The following ZFHX3 variants were observed in gnomAD, a reference collection of about 807,000 sequenced individuals.
ZFHX3 encodes zinc finger homeobox 3, also known as zinc finger homeobox protein 3.
ZFHX3 carries 42 observed loss-of-function variants against 279.1 expected under a neutral mutation model. That is an observed-to-expected ratio of 0.15 (90% CI 0.12 to 0.19). The LOEUF is 0.19. ZFHX3 is among the 10% of genes least tolerant of loss of function. The pLI, the probability that ZFHX3 is intolerant of heterozygous loss-of-function variation, is 1.00. For missense variants in ZFHX3, 4,981 were observed against 4,754.0 expected (o/e 1.05, Z -1.40); for synonymous variants, 2,293 against 1,957.8 (o/e 1.17, Z -4.52).
At chr16:73,767,880 G>C (rs955337543) in intron 1 of ZFHX3, among the ~76,000 whole-genome samples, 3 of 152,142 alleles carry the variant, frequency 2.0e-5, no homozygotes, top group Non-Finnish European at 2.9e-5. Flanking sequence ...AAAATGATTT[G>C]AGATTGCAAC....
In ZFHX3 at chr16:73,392,861, G is replaced by T. The variant is rs113820430; in HGVS notation, c.-1291+63142C>A. 9.2e-3 allele frequency among the ~76,000 whole-genome samples: 1,404 copies of T among 152,066 alleles called. 20 individuals carry two copies. Among genetic ancestry groups the T allele is most frequent in the African/African-American group, 0.032 (1,325 of 41,490 alleles). Reference sequence around the variant, plus strand: ...TTTTGTTTTTTTGTTTTTTGAGACAGTCTCACTCTGTTGCCCAGGCTGGAG... The same window carrying T: ...TTTTGTTTTTTTGTTTTTTGAGACATTCTCACTCTGTTGCCCAGGCTGGAG... On this transcript the variant is annotated intron_variant, in intron 3 of 17. Transcript: ENST00000641206.
chr16:73,190,892 C>A (rs973701314), intron 5 of ZFHX3, among the ~76,000 whole-genome samples: 10 of 142,178 alleles, frequency 7.0e-5, no homozygotes, highest in African/African-American at 2.7e-4. Flanking sequence ...AGGATAGAGA[C>A]CAGGGTGAAG....
chr16:73,342,354 A>G (rs960492902), intron 3 of ZFHX3, among the ~76,000 whole-genome samples: 4 of 152,214 alleles, frequency 2.6e-5, no homozygotes, highest in African/African-American at 9.6e-5. Flanking sequence ...CTGTCCAACA[A>G]TATAATACAT....
Position 72,811,700 on chromosome 16 carries a change from C to A in ZFHX3, c.3741G>T (p.Ser1247=), listed in dbSNP as rs1218471435. ...RLRVHAMTQH[S]VQPMLRCPLC... ...GGGGGCAGCGAAGCATGGGTTGCAC[C>A]GAGTGCTGCGTCATGGCATGCACCC... The change falls in exon 7 of 10, where the codon TCG becomes TCT. Residue 1247 remains serine, a synonymous_variant. Transcript: ENST00000268489. 1 of 1,613,898 alleles carries A rather than the reference C, an allele frequency of 6.2e-7. No homozygotes were observed. The highest frequency in any genetic ancestry group is 1.7e-5 in the Admixed American group (1 of 59,998).
At chr16:73,027,727 G>T (rs1213412438) in intron 1 of ZFHX3, among the ~76,000 whole-genome samples, 3 of 152,120 alleles carry the variant, frequency 2.0e-5, no homozygotes, top group Non-Finnish European at 4.4e-5. Flanking sequence ...CCAGAAAGGG[G>T]TTAATGCCCT....
intron 2 of ZFHX3, among the ~76,000 whole-genome samples, chr16:73,641,946 C>T (rs550394686): frequency 7.1e-4 from 108 of 152,164 alleles, no homozygotes; most frequent in Non-Finnish European, 1.4e-3. Flanking sequence ...ATAGGTGACG[C>T]GAGCTCTGGG....
chr16:73,792,975 G>A (rs77324437), intron 1 of ZFHX3, among the ~76,000 whole-genome samples: 5,343 of 151,758 alleles, frequency 0.035, 171 homozygotes, highest in African/African-American at 0.092. Context: ...CAGAATGTTC[G>A]CTTCTGACAC....
intron 2 of ZFHX3, among the ~76,000 whole-genome samples, chr16:73,617,890 T>C (rs914713716): frequency 6.6e-6 from 1 of 152,212 alleles, no homozygotes; most frequent in African/African-American, 2.4e-5. Context: ...GCAGTCCCCC[T>C]TGAGTGTCTT....
At chr16:73,272,392 T>G (rs997284636) in intron 4 of ZFHX3, among the ~76,000 whole-genome samples, 4 of 152,354 alleles carry the variant, frequency 2.6e-5, no homozygotes, top group African/African-American at 7.2e-5. Flanking sequence ...GTATATAAAA[T>G]GATGCTCAAT....
chr16:72,993,478 T>C (rs769693255), intron 1 of ZFHX3, among the ~76,000 whole-genome samples: 5 of 152,108 alleles, frequency 3.3e-5, no homozygotes, highest in Non-Finnish European at 5.9e-5. Flanking sequence ...CACTTCCAAA[T>C]AGAGCAGCTG....
chr16:73,780,201 G>A (rs1414237207), intron 1 of ZFHX3, among the ~76,000 whole-genome samples: 1 of 131,866 alleles, frequency 7.6e-6, no homozygotes, highest in Non-Finnish European at 1.5e-5. Context: ...GGGTGCAGGT[G>A]CAGTGGTGCG....
intron 8 of ZFHX3, among the ~76,000 whole-genome samples, chr16:73,091,831 C>A (rs957957549): frequency 6.6e-6 from 1 of 152,168 alleles, no homozygotes; most frequent in African/African-American, 2.4e-5. Context: ...AAGGGTATTT[C>A]GAGACGCTAG....
chr16:73,310,468 G>A (rs1232636141), intron 4 of ZFHX3, among the ~76,000 whole-genome samples: 1 of 152,208 alleles, frequency 6.6e-6, no homozygotes, highest in Non-Finnish European at 1.5e-5. Flanking sequence ...TGCAACTGAA[G>A]AGACAAAGAC....
intron 1 of ZFHX3, among the ~76,000 whole-genome samples, chr16:73,804,898 GGAGGGAGGGAGGGAGGGGAGGGA>G (rs1960233843): frequency 8.8e-6 from 1 of 113,960 alleles, no homozygotes; most frequent in African/African-American, 3.6e-5. Context: ...CACCAAAGAG[GGAGGGAGGGAGGGAGGGGAGGGA>G]GAGGGAGGGA....
At position 73,886,592 on chromosome 16, in the gene ZFHX3, C is replaced by T. The variant is rs139260298; in HGVS notation, c.-1608+5059G>A. ...ATTATTCTAGATCTTGTCAGTAATT[C>T]GCAGCTCCTCTGTAGTATCACAACA... On this transcript the variant is annotated intron_variant, in intron 1 of 17. Transcript: ENST00000641206. 7.9e-5 allele frequency among the ~76,000 whole-genome samples: 12 copies of T among 152,282 alleles called. No homozygotes were observed. In the East Asian group the frequency reaches 1.5e-3, roughly 20 times the overall value.
chr16:73,063,613 C>A (rs575188951), upstream of ZFHX3, among the ~76,000 whole-genome samples: 43 of 152,196 alleles, frequency 2.8e-4, no homozygotes, highest in African/African-American at 1.0e-3. Context: ...AATCACCCCC[C>A]CTCCCCGTTT....
chr16:73,003,722 A>C (rs1359765026), intron 1 of ZFHX3, among the ~76,000 whole-genome samples: 5 of 151,932 alleles, frequency 3.3e-5, no homozygotes, highest in African/African-American at 1.2e-4. Flanking sequence ...CAAACAAACA[A>C]ACAAAAAGGA....
At chr16:73,348,282 A>T (rs541751359) in intron 3 of ZFHX3, among the ~76,000 whole-genome samples, 3 of 152,082 alleles carry the variant, frequency 2.0e-5, no homozygotes, top group Non-Finnish European at 4.4e-5. Context: ...CCTAAGGAAA[A>T]GCCTAGCATT....
At chr16:72,974,790 C>A (rs189681138) in intron 1 of ZFHX3, among the ~76,000 whole-genome samples, 1 of 152,300 alleles carries the variant, frequency 6.6e-6, no homozygotes, top group Admixed American at 6.5e-5. Flanking sequence ...TACACGGGGT[C>A]TTCCCCATGC....
Sources: allele counts gnomAD v4.1 joint callset (sites outside exome capture counted in the v4.1 genomes callset), GRCh38; gene constraint gnomAD v4.1.1; transcripts MANE v1.5; gene names NCBI Gene and HGNC (gene_info 2026-07-23, HGNC 2026-07-21).